Variants in CDH20 observed in about 807,000 individuals in gnomAD.
CDH20 encodes the protein cadherin 20.
A neutral mutation model predicts 74.2 loss-of-function variants in CDH20; 29 were observed. The observed-to-expected ratio is 0.39, with a 90% CI of 0.29 to 0.53. The LOEUF (loss-of-function observed/expected upper bound fraction) is 0.53, where lower values mean the gene tolerates loss of function less well. CDH20 is among the 20% of genes least tolerant of loss of function. CDH20 has a pLI of 0.69. For missense variants in CDH20, 988 were observed against 1,048.3 expected (o/e 0.94, Z 0.79); for synonymous variants, 469 against 405.4 (o/e 1.16, Z -1.88).
chr18:61,530,059 G>A (rs577253640), intron 7 of CDH20, among the ~76,000 whole-genome samples: 1 of 152,332 alleles, frequency 6.6e-6, no homozygotes, highest in South Asian at 2.1e-4. Flanking sequence ...CACAAGGCCA[G>A]AGGTAATAAG....
At chr18:61,531,178 G>A (rs1912622849) in intron 7 of CDH20, among the ~76,000 whole-genome samples, 1 of 152,202 alleles carries the variant, frequency 6.6e-6, no homozygotes, top group Non-Finnish European at 1.5e-5. Context: ...GGGGAAATCA[G>A]AGAGGGATTC....
chr18:61,422,129 A>C (rs1401909733), intron 1 of CDH20, among the ~76,000 whole-genome samples: 1 of 152,150 alleles, frequency 6.6e-6, no homozygotes, highest in East Asian at 1.9e-4. Flanking sequence ...TAAAAAATAC[A>C]TGAAATTCAC....
rs545256689 is a variant in CDH20, at chr18:61,417,578, T to TAAAAAAAAAAAAAAAAAAAAAAAAAA, written c.-152-72822_-152-72797dup. On this transcript the variant is annotated intron_variant, in intron 1 of 11. Coordinates refer to ENST00000262717, the MANE Select transcript of CDH20 (RefSeq NM_031891.4). ...TATGTTCTTACTCAGATGTGGGAGC[T>TAAAAAAAAAAAAAAAAAAAAAAAAAA]AAAAAAAAAAAAAAAAAAAAAAAAA... 1.3e-4 allele frequency among the ~76,000 whole-genome samples: 8 copies of TAAAAAAAAAAAAAAAAAAAAAAAAAA among 62,364 alleles called. 1 individual carries two copies. Among genetic ancestry groups the TAAAAAAAAAAAAAAAAAAAAAAAAAA allele is most frequent in the African/African-American group, 4.8e-4 (6 of 12,546 alleles). The allele number at this position is 62,364 out of a possible 152,430, so 40.9% of individuals were successfully genotyped here.
Position 61,554,346 on chromosome 18 carries a change from C to T in CDH20, c.2057C>T (p.Pro686Leu). 1.2e-6 allele frequency: 2 copies of T among 1,613,460 alleles called. No homozygotes were observed. Among genetic ancestry groups the T allele is most frequent in the Non-Finnish European group, 8.5e-7 (1 of 1,179,912 alleles). The change falls in exon 12 of 12, where the codon CCC becomes CTC. Residue 686 changes from proline (P) to leucine (L), a missense_variant. Pro to Leu is a moderately conservative substitution (Grantham distance 98). Coordinates refer to ENST00000262717, the MANE Select transcript of CDH20 (RefSeq NM_031891.4). ...TTCGACATCGCGGCCATGTGGAACC[C>T]CCGGGAGGCGCAGGCGGGGGCCGCC... ...EAFDIAAMWN[P>L]REAQAGAAPK... is the part of the protein sequence containing the mutation.
chr18:61,534,052 G>T (rs745994457), intron 7 of CDH20, among the ~76,000 whole-genome samples: 4 of 152,002 alleles, frequency 2.6e-5, no homozygotes, highest in Non-Finnish European at 2.9e-5. Flanking sequence ...TAGGACAAAT[G>T]ACCCTGTTAA....
chr18:61,428,504 G>C (rs2144290217), intron 1 of CDH20, among the ~76,000 whole-genome samples: 1 of 152,314 alleles, frequency 6.6e-6, no homozygotes, highest in African/African-American at 2.4e-5. Context: ...TCTCCTGTGT[G>C]TGATAATGAG....
intron 1 of CDH20, among the ~76,000 whole-genome samples, chr18:61,424,205 C>CTT (rs1284778208): frequency 1.3e-5 from 2 of 152,186 alleles, no homozygotes; most frequent in Non-Finnish European, 1.5e-5. Flanking sequence ...ACATTTATGA[C>CTT]TTTTTTGTGT....
chr18:61,424,412 C>A (rs982129035), intron 1 of CDH20, among the ~76,000 whole-genome samples: 8 of 152,194 alleles, frequency 5.3e-5, no homozygotes, highest in Admixed American at 5.2e-4. Context: ...CAAAATGTGT[C>A]TCTCTGAGCA....
chr18:61,481,024 T>C (rs640680), intron 1 of CDH20, among the ~76,000 whole-genome samples: 151,051 of 152,324 alleles, frequency 0.99, 74,912 homozygotes, highest in Middle Eastern at 1. Flanking sequence ...AGCTTGAAGG[T>C]AGAAAGAATA....
At chr18:61,428,864 C>T (rs979254259) in intron 1 of CDH20, among the ~76,000 whole-genome samples, 9 of 152,240 alleles carry the variant, frequency 5.9e-5, no homozygotes, top group Admixed American at 4.6e-4. Flanking sequence ...CACCAGCCCT[C>T]CAGCCATTCC....
intron 1 of CDH20, among the ~76,000 whole-genome samples, chr18:61,455,849 C>A (rs931021519): frequency 6.6e-6 from 1 of 152,200 alleles, no homozygotes; most frequent in Non-Finnish European, 1.5e-5. Context: ...TCCTAAATGA[C>A]ATCAAAATGA....
intron 1 of CDH20, 38 bp from the exon 2 acceptor site, chr18:61,490,364 T>A (rs1599120699): frequency 1.8e-6 from 1 of 571,230 alleles, no homozygotes; most frequent in Non-Finnish European, 3.1e-6. Flanking sequence ...CAGGAAAGAA[T>A]CTGACATCAT....
At position 61,554,279 on chromosome 18, in the gene CDH20, C is replaced by T. The variant is rs1376463971; in HGVS notation, c.1990C>T (p.Arg664Cys). 1.9e-6 allele frequency: 3 copies of T among 1,613,884 alleles called. No individual in the cohort carries two copies. Among genetic ancestry groups the T allele is most frequent in the South Asian group, 2.2e-5 (2 of 91,082 alleles). Residue 664 changes from arginine to cysteine, a missense_variant, in exon 12 of 12, where the codon CGC (arginine) becomes TGC (cysteine). Around this residue, in one of 2 missense-constraint regions of CDH20, gnomAD observed 375 missense variants for 293.1 expected, o/e 1.28. Transcript: ENST00000262717. ...DEENIHENIV[R>C]YDDEGGGEED... ...GGAAAACATCCACGAGAACATCGTC[C>T]GCTACGACGACGAGGGCGGCGGCGA...
chr18:61,433,533 G>T (rs186218466), intron 1 of CDH20, among the ~76,000 whole-genome samples: 2 of 152,074 alleles, frequency 1.3e-5, no homozygotes, highest in African/African-American at 4.8e-5. Context: ...AATGTGTGGG[G>T]CCACTTCAAA....
chr18:61,510,918 C>A (rs1164456345), intron 6 of CDH20, among the ~76,000 whole-genome samples: 1 of 151,510 alleles, frequency 6.6e-6, no homozygotes, highest in Non-Finnish European at 1.5e-5. Context: ...TAACTAGTAA[C>A]TGTAAATAAG....
At chr18:61,550,325 C>A in intron 11 of CDH20, 96 bp downstream of exon 11, 1 of 1,414,098 alleles carries the variant, frequency 7.1e-7, no homozygotes, top group Non-Finnish European at 9.7e-7. Flanking sequence ...CAGAACTGGT[C>A]TTCCACACCT....
intron 1 of CDH20, among the ~76,000 whole-genome samples, chr18:61,414,315 A>G (rs971544374): frequency 7.9e-5 from 12 of 152,126 alleles, no homozygotes; most frequent in Admixed American, 7.2e-4. Context: ...ATTCAGAAAC[A>G]AGAGAAGCAC....
In CDH20 at chr18:61,345,622, C is replaced by T. The variant is rs187857745; in HGVS notation, c.-153+11795C>T. ...TTGTGAAGTGGAATGGAGATTAGCA[C>T]ATCGATGTTTCTCCCCCTAGGTTTT... On this transcript the variant is annotated intron_variant, in intron 1 of 11. Transcript: ENST00000262717. 2.6e-4 allele frequency among the ~76,000 whole-genome samples: 39 copies of T among 152,276 alleles called. 1 individual carries two copies. The East Asian group carries it at 4.6e-3, about 18-fold the overall frequency.
chr18:61,493,705 C>T (rs557882027), intron 2 of CDH20, among the ~76,000 whole-genome samples: 2 of 152,354 alleles, frequency 1.3e-5, no homozygotes, highest in East Asian at 3.9e-4. Flanking sequence ...CTATCATGAA[C>T]ATATCTTGTA....
Sources: allele counts gnomAD v4.1 joint callset (sites outside exome capture counted in the v4.1 genomes callset), GRCh38; gene constraint gnomAD v4.1.1; regional missense constraint gnomAD v4.1.1; transcripts MANE v1.5; gene names NCBI Gene and HGNC (gene_info 2026-07-23, HGNC 2026-07-21).